Variants in HIVEP3 observed in about 807,000 individuals in gnomAD.
HIVEP3 encodes HIVEP zinc finger 3.
In HIVEP3, 49 loss-of-function variants were observed where a neutral mutation model predicts 152.8. The observed-to-expected ratio is 0.32, with a 90% CI of 0.26 to 0.41. The LOEUF (loss-of-function observed/expected upper bound fraction) is 0.41. Ranked by LOEUF, HIVEP3 falls within the 10% of genes least tolerant of loss-of-function variation. The pLI, the probability that HIVEP3 is intolerant of heterozygous loss-of-function variation, is 1.00. For synonymous variants in HIVEP3, 1,269 were observed against 1,289.0 expected (o/e 0.98, Z 0.33); for missense variants, 2,790 against 3,103.3 (o/e 0.90, Z 2.40).
chr1:41,989,775 G>A (rs1172248766), intron 1 of HIVEP3, among the ~76,000 whole-genome samples: 1 of 151,248 alleles, frequency 6.6e-6, no homozygotes, highest in African/African-American at 2.4e-5. Flanking sequence ...CATTTGCTTG[G>A]TAGATCTTCC....
intron 1 of HIVEP3, among the ~76,000 whole-genome samples, chr1:41,956,702 G>A (rs921423445): frequency 2.0e-5 from 3 of 152,208 alleles, no homozygotes; most frequent in African/African-American, 7.2e-5. Flanking sequence ...AATAAAAAGA[G>A]ACAGGAGCCC....
intron 2 of HIVEP3, among the ~76,000 whole-genome samples, chr1:41,631,347 C>T (rs1044601898): frequency 6.6e-6 from 1 of 152,122 alleles, no homozygotes. Context: ...TTCCAGGGCC[C>T]GTACTTTAAT....
chr1:41,725,427 T>C (rs139412551), intron 1 of HIVEP3, among the ~76,000 whole-genome samples: 1 of 152,284 alleles, frequency 6.6e-6, no homozygotes, highest in Non-Finnish European at 1.5e-5. Flanking sequence ...GGAGGGATGT[T>C]CAATCTTCAA....
intron 7 of HIVEP3, among the ~76,000 whole-genome samples, chr1:41,515,441 G>A (rs185928707): frequency 1.8e-4 from 27 of 152,316 alleles, no homozygotes; most frequent in Non-Finnish European, 3.8e-4. Flanking sequence ...GATGAGAGCA[G>A]GGCTGGGGAT....
chr1:41,559,735 T>C (rs1644027413), intron 5 of HIVEP3, among the ~76,000 whole-genome samples: 2 of 152,162 alleles, frequency 1.3e-5, no homozygotes, highest in Admixed American at 1.3e-4. Flanking sequence ...GCCATGTTAA[T>C]GCCTCCCTGG....
chr1:41,837,762 T>C (rs1423991759), intron 1 of HIVEP3, among the ~76,000 whole-genome samples: 8 of 152,184 alleles, frequency 5.3e-5, no homozygotes, highest in African/African-American at 1.9e-4. Flanking sequence ...TCCCCCTGAA[T>C]CCCTAGCCCT....
chr1:41,938,792 C>A (rs1645032297), intron 1 of HIVEP3, among the ~76,000 whole-genome samples: 1 of 152,180 alleles, frequency 6.6e-6, no homozygotes, highest in South Asian at 2.1e-4. Context: ...AAATACAAAA[C>A]TATGGGGGAA....
intron 3 of HIVEP3, among the ~76,000 whole-genome samples, chr1:41,611,338 T>C (rs7554613): frequency 0.09 from 13,747 of 152,158 alleles, 674 homozygotes; most frequent in Middle Eastern, 0.18. Context: ...GGAAGGCAAA[T>C]TCCATCTCGT....
At chr1:41,628,674 A>T (rs1406525700) in intron 3 of HIVEP3, 75 bp downstream of exon 3, 1 of 1,060,048 alleles carries the variant, frequency 9.4e-7, no homozygotes, top group Non-Finnish European at 1.2e-6. Flanking sequence ...TCAGAGGAAG[A>T]ACTAAGCAAG....
chr1:41,695,234 A>C (rs1646255826), intron 2 of HIVEP3, among the ~76,000 whole-genome samples: 1 of 152,170 alleles, frequency 6.6e-6, no homozygotes, highest in African/African-American at 2.4e-5. Flanking sequence ...GTTGGTCTCC[A>C]GTACCTATCT....
intron 3 of HIVEP3, among the ~76,000 whole-genome samples, chr1:41,606,172 C>T (rs1644820188): frequency 6.6e-6 from 1 of 151,968 alleles, no homozygotes; most frequent in Non-Finnish European, 1.5e-5. Context: ...TTTCCTTCCA[C>T]CCCATCTCAC....
intron 1 of HIVEP3, among the ~76,000 whole-genome samples, chr1:41,859,234 C>A (rs1322265203): frequency 6.6e-6 from 1 of 152,120 alleles, no homozygotes; most frequent in East Asian, 1.9e-4. Flanking sequence ...AGTTTTCTAC[C>A]CTGCCGAACC....
chr1:41,773,121 C>A (rs541013453), intron 1 of HIVEP3, among the ~76,000 whole-genome samples: 58 of 152,334 alleles, frequency 3.8e-4, no homozygotes, highest in Non-Finnish European at 6.9e-4. Context: ...ACCTACTGGT[C>A]AGCCAGATGC....
Position 41,511,005 on chromosome 1 carries a change from T to TGGCCGGCTGCGGTG in HIVEP3, c.6666_6667insCACCGCAGCCGGCC (p.Ser2223HisfsTer15). ...TCGCTGCCACCCCCGGAGAAGCCAC[T>TGGCCGGCTGCGGTG]GACCCAGGCTGCGGTGGGCCCTGGC... On this transcript the variant is annotated frameshift_variant, in exon 9 of 9. Coordinates refer to ENST00000372583, the MANE Select transcript of HIVEP3 (RefSeq NM_024503.5). LOFTEE classifies it high-confidence loss of function. The surrounding 1 kb of genome is among the most constrained non-coding windows in gnomAD (Gnocchi z 4.9). The TGGCCGGCTGCGGTG allele has an allele frequency of 6.2e-7, 1 of 1,613,490 alleles. No individual in the cohort carries two copies. Among genetic ancestry groups the TGGCCGGCTGCGGTG allele is most frequent in the South Asian group, 1.1e-5 (1 of 91,050 alleles).
chr1:41,722,612 G>T (rs1000095095), intron 1 of HIVEP3, among the ~76,000 whole-genome samples: 1 of 147,500 alleles, frequency 6.8e-6, no homozygotes, highest in South Asian at 2.2e-4. Flanking sequence ...TATTTATTGA[G>T]TATCCATTGT....
chr1:41,846,805 C>T (rs1054766084), intron 1 of HIVEP3, among the ~76,000 whole-genome samples: 1 of 152,210 alleles, frequency 6.6e-6, no homozygotes, highest in Non-Finnish European at 1.5e-5. Flanking sequence ...TGGTGCCTTG[C>T]AACAGCGGCT....
At chr1:41,824,784 T>TATATAGAG (rs1553266584) in intron 1 of HIVEP3, among the ~76,000 whole-genome samples, 41 of 11,342 alleles carry the variant, frequency 3.6e-3, no homozygotes, top group Non-Finnish European at 5.5e-3. Flanking sequence ...TATATATATA[T>TATATAGAG]AGAGAGAGAG....
At chr1:41,892,713 T>C (rs1385234073) in intron 1 of HIVEP3, among the ~76,000 whole-genome samples, 1 of 152,014 alleles carries the variant, frequency 6.6e-6, no homozygotes, top group East Asian at 1.9e-4. Flanking sequence ...TCAGTGTGGC[T>C]GCCTGGACTC....
chr1:41,763,215 G>C (rs1210313247), intron 1 of HIVEP3, among the ~76,000 whole-genome samples: 2 of 152,220 alleles, frequency 1.3e-5, no homozygotes, highest in Admixed American at 1.3e-4. Flanking sequence ...TGCTCAAGGA[G>C]ACATGCTGCT....
Sources: gnomAD v4.1 joint callset for allele counts (sites outside exome capture counted in the v4.1 genomes callset) on GRCh38, gnomAD v4.1.1 for gene constraint, Gnocchi (gnomAD v3.1) non-coding constraint, MANE v1.5 for transcripts, NCBI Gene and HGNC (gene_info 2026-07-23, HGNC 2026-07-21) for gene names.